The following PRPF40B variants were observed in gnomAD, a reference collection of about 807,000 sequenced individuals.
The protein encoded by PRPF40B is pre-mRNA-processing factor 40 homolog B.
In PRPF40B, 56 loss-of-function variants were observed where a neutral mutation model predicts 124.5. The ratio of observed to expected loss-of-function variants is 0.45; its 90% CI spans 0.36 to 0.56. PRPF40B has a LOEUF of 0.56. Ranked by LOEUF, PRPF40B falls within the 20% of genes least tolerant of loss-of-function variation. The pLI, the probability that PRPF40B is intolerant of heterozygous loss-of-function variation, is 0.00. For synonymous variants in PRPF40B, 443 were observed against 426.4 expected, an observed-to-expected ratio of 1.04 and a Z score of -0.48; for missense variants, 1,053 against 1,169.5, an observed-to-expected ratio of 0.90 and a Z score of 1.45.
rs573389120 is a variant in PRPF40B, at chr12:49,643,603, C to T, written c.2381-88C>T. On this transcript the variant is annotated intron_variant, in intron 23 of 25. Coordinates refer to ENST00000548825, the MANE Select transcript of PRPF40B (RefSeq NM_001031698.3). ...CTTCCTCAGAGCATGAGGTTCCTGC[C>T]TGTGAAGAATGAACAGAGGGGCTAG... 3.4e-5 allele frequency: 49 copies of T among 1,455,152 alleles called. 1 individual carries two copies. The East Asian group carries it at 1.1e-3, about 33-fold the overall frequency. 90.1% of individuals were successfully genotyped at this position (1,455,152 alleles called of 1,614,324 possible). A position where few individuals can be genotyped will look rare whatever the true frequency, so the allele number is the denominator to read the frequency against.
chr12:49,633,744 G>C, intron 9 of PRPF40B, 83 bp downstream of exon 9: 1 of 1,608,408 alleles, frequency 6.2e-7, no homozygotes, highest in South Asian at 1.1e-5. Flanking sequence ...TCTCTACACT[G>C]TGGGAGGAAG....
chr12:49,628,895 A>G (rs1282903433), intron 1 of PRPF40B, among the ~76,000 whole-genome samples: 1 of 152,188 alleles, frequency 6.6e-6, no homozygotes. Context: ...GCAGACATGA[A>G]GGGCGTTTTT....
intron 9 of PRPF40B, 81 bp downstream of exon 9, chr12:49,633,742 CT>C (rs1333011074): frequency 1.4e-5 from 22 of 1,608,994 alleles, no homozygotes; most frequent in Non-Finnish European, 1.8e-5. Flanking sequence ...GATCTCTACA[CT>C]GTGGGAGGAA....
At position 49,642,727 on chromosome 12, in the gene PRPF40B, C is replaced by A. The variant is rs765315590; in HGVS notation, c.2118+52C>A. The A allele has an allele frequency of 7.7e-6, 12 of 1,564,712 alleles. No homozygotes were observed. The African/African-American group carries it at 1.5e-4, about 19-fold the overall frequency. Reference sequence around the variant, plus strand: ...GCCTCAGGCCCTTGAACTCATTAGACCAGTTCAACAGAGACCTCAGTGGCC... The same window carrying A: ...GCCTCAGGCCCTTGAACTCATTAGAACAGTTCAACAGAGACCTCAGTGGCC... On this transcript the variant is annotated intron_variant, in intron 21 of 25. Coordinates refer to ENST00000548825, the MANE Select transcript of PRPF40B (RefSeq NM_001031698.3). This position sits in a 1 kb window ranked among gnomAD's most constrained non-coding sequence, Gnocchi z 5.8.
At chr12:49,639,379 A>T (rs1942287928) in intron 18 of PRPF40B, 2 of 152,262 alleles carry the variant, frequency 1.3e-5, no homozygotes, top group South Asian at 2.1e-4. Context: ...AGATGCTAGG[A>T]GCTGGGTTAG....
At chr12:49,633,185 C>A in intron 7 of PRPF40B, 61 bp downstream of exon 7, 2 of 1,435,684 alleles carry the variant, frequency 1.4e-6, no homozygotes, top group Non-Finnish European at 1.9e-6. Context: ...AAGTCCTTGG[C>A]CTTCCCTTAG....
At chr12:49,628,059 G>A (rs1940884325) in intron 1 of PRPF40B, among the ~76,000 whole-genome samples, 1 of 152,118 alleles carries the variant, frequency 6.6e-6, no homozygotes. Context: ...GCTTGAGATG[G>A]GAAAGTGTGA....
intron 18 of PRPF40B, chr12:49,640,690 G>A (rs915772145): frequency 6.6e-6 from 1 of 152,234 alleles, no homozygotes; most frequent in African/African-American, 2.4e-5. Flanking sequence ...GTAAGGTTGT[G>A]AGAATTAAAT....
In PRPF40B at chr12:49,630,580, G is replaced by A. The variant is rs766424312; in HGVS notation, c.39G>A (p.Ala13=). 8 of 1,432,368 alleles carry A rather than the reference G, an allele frequency of 5.6e-6. 1 individual carries two copies. Among genetic ancestry groups the A allele is most frequent in the East Asian group, 2.3e-5 (1 of 43,562 alleles). The allele number at this position is 1,432,368 out of a possible 1,614,324, so 88.7% of individuals were successfully genotyped here. A position where few individuals can be genotyped will look rare whatever the true frequency, so the allele number is the denominator to read the frequency against. Residue 13 remains alanine, a synonymous_variant, in exon 2 of 26, where the codon GCG becomes GCA. Coordinates refer to ENST00000548825, the MANE Select transcript of PRPF40B (RefSeq NM_001031698.3). ...ATTCTGGTCCCCGGCCCCCAGCAGC[G>A]CCTGCCCCCTTCCCACCGGGGCCCC... ...VPDSGPRPPA[A]PAPFPPGPPM...
rs1427068108 is a variant in PRPF40B at position 49,637,461 on chromosome 12, C to T, written c.1561-9C>T. ...TCACTCTCCCTATAACTGGCCTCTC[C>T]CTGCTCAGACCTTCCTGGACGAGCT... On this transcript the variant is annotated splice_polypyrimidine_tract_variant and intron_variant, in intron 16 of 25. Coordinates refer to ENST00000548825, the MANE Select transcript of PRPF40B (RefSeq NM_001031698.3). The T allele has an allele frequency of 1.9e-6, 3 of 1,609,038 alleles. No individual in the cohort carries two copies. In the South Asian group the frequency reaches 3.3e-5, roughly 18 times the overall value.
rs768148310 is a variant in PRPF40B at position 49,635,922 on chromosome 12, A to G, written c.1355A>G (p.Gln452Arg). ...ILDGMSSVNF[Q>R]TTWSQAQQYL... ...GATGGGATGAGTAGTGTCAACTTCC[A>G]AACCACGTGGTCCCAGGCCCAGCAG... The change falls in exon 15 of 26, where the codon CAA (glutamine) becomes CGA (arginine). Residue 452 changes from glutamine (Q) to arginine (R), a missense_variant. Around this residue, in one of 2 missense-constraint regions of PRPF40B, gnomAD observed 895 missense variants for 1,052.2 expected, o/e 0.85. Transcript: ENST00000548825. This position sits in a 1 kb window ranked among gnomAD's most constrained non-coding sequence, Gnocchi z 4.1. The G allele has an allele frequency of 9.3e-6, 15 of 1,613,982 alleles. No individual in the cohort carries two copies. The highest frequency in any genetic ancestry group is 7.6e-6 in the Non-Finnish European group (9 of 1,180,010).
Position 49,632,000 on chromosome 12 carries a change from G to A in PRPF40B, c.294+75G>A. 1.4e-6 allele frequency: 2 copies of A among 1,411,230 alleles called. No homozygotes were observed. The highest frequency in any genetic ancestry group is 1.0e-6 in the Non-Finnish European group (1 of 998,216). 87.4% of individuals were successfully genotyped at this position (1,411,230 alleles called of 1,614,324 possible). A position where few individuals can be genotyped will look rare whatever the true frequency, so the allele number is the denominator to read the frequency against. ...AGTCTGACTTGGAATGCAGGACTAT[G>A]ACCTCCATTCTTTCCCTCTTCTCAT... On this transcript the variant is annotated intron_variant, in intron 4 of 25. Transcript: ENST00000548825. This position sits in a 1 kb window ranked among gnomAD's most constrained non-coding sequence, Gnocchi z 4.3.
At chr12:49,632,068 C>T in intron 4 of PRPF40B, 143 bp downstream of exon 4, 1 of 799,916 alleles carries the variant, frequency 1.3e-6, no homozygotes. Context: ...ACACTCAAAT[C>T]CTTCTCGCCA....
intron 18 of PRPF40B, 149 bp from the exon 19 acceptor site, chr12:49,641,759 G>C: frequency 1.6e-6 from 1 of 633,876 alleles, no homozygotes; most frequent in East Asian, 2.7e-5. Context: ...TGAGGACTTG[G>C]ATAACTTGGT....
In PRPF40B at chr12:49,637,839, G is replaced by A; in HGVS notation, c.1767+15G>A. ...ACATCCTTAAGGTGAGGGAGGCTGGGGTTATGGATGGATACAGGATGGATG... is the reference window on the plus strand; with the variant it reads ...ACATCCTTAAGGTGAGGGAGGCTGGAGTTATGGATGGATACAGGATGGATG... On this transcript the variant is annotated intron_variant, in intron 18 of 25. Coordinates refer to ENST00000548825, the MANE Select transcript of PRPF40B (RefSeq NM_001031698.3). 2 of 1,574,028 alleles carry A rather than the reference G, an allele frequency of 1.3e-6. No individual in the cohort carries two copies. Among genetic ancestry groups the A allele is most frequent in the Non-Finnish European group, 1.7e-6 (2 of 1,144,682 alleles).
Position 49,634,042 on chromosome 12 carries a change from C to T in PRPF40B, c.762C>T (p.Thr254=), listed in dbSNP as rs201271932. The T allele has an allele frequency of 2.6e-4, 427 of 1,613,814 alleles. No individual in the cohort carries two copies. The highest frequency in any genetic ancestry group is 3.5e-4 in the Non-Finnish European group (413 of 1,179,922). ...AAGATTGTGATGTGTTGGAGGCCAC[C>T]CAGCCCCTGGAACAGGGGTTCCTGC... The part of the protein sequence containing the change: ...GSEDCDVLEA[T]QPLEQGFLQQ... The change falls in exon 10 of 26, where the codon ACC becomes ACT. Residue 254 remains threonine (T), a synonymous_variant. Transcript: ENST00000548825.
rs144855915 is a variant in PRPF40B at position 49,643,802 on chromosome 12, T to A, written c.2442+50T>A. 14 of 1,613,864 alleles carry A rather than the reference T, an allele frequency of 8.7e-6. No homozygotes were observed. In the African/African-American group the frequency reaches 1.7e-4, roughly 20 times the overall value. On this transcript the variant is annotated intron_variant, in intron 24 of 25. Transcript: ENST00000548825. ...GCCCCTGCTATTTTGTGAGTTCTGT[T>A]CTACCTGCCTCCCAGGCTATCCACA...
chr12:49,634,448 G>A lies in PRPF40B; in HGVS notation c.929G>A (p.Arg310Lys), dbSNP rs758084328. The stretch of plus-strand genomic sequence containing the variant: ...AAGCAGGCATTCAAGGAACTGCTGA[G>A]GGACAAGGTGCTGGAGTGGGGCTCC... ...KAKQAFKELL[R>K]DKAVPSNASW... The change falls in exon 11 of 26, where the codon AGG becomes AAG. Residue 310 changes from arginine to lysine, a missense_variant. This residue lies in a region of PRPF40B where 895 missense variants were observed against 1,052.2 expected (regional missense o/e 0.85). Transcript: ENST00000548825. The A allele has an allele frequency of 3.1e-6, 5 of 1,614,176 alleles. No homozygotes were observed. Among genetic ancestry groups the A allele is most frequent in the Middle Eastern group, 1.6e-4 (1 of 6,062 alleles).
chr12:49,626,526 T>C (rs1940730960), intron 1 of PRPF40B, among the ~76,000 whole-genome samples: 1 of 152,188 alleles, frequency 6.6e-6, no homozygotes, highest in African/African-American at 2.4e-5. Context: ...TTGGATCATC[T>C]TGAACAAAGC....
Sources: gnomAD v4.1 joint callset for allele counts (sites outside exome capture counted in the v4.1 genomes callset) on GRCh38, gnomAD v4.1.1 for gene constraint, gnomAD v4.1.1 regional missense constraint, Gnocchi (gnomAD v3.1) non-coding constraint, MANE v1.5 for transcripts, NCBI Gene and HGNC (gene_info 2026-07-23, HGNC 2026-07-21) for gene names.